AXIN1: variants seen among roughly 807,000 people sequenced by gnomAD.
The protein encoded by AXIN1 is axin 1.
A neutral mutation model predicts 76.4 loss-of-function variants in AXIN1; 30 were observed. The observed-to-expected ratio is 0.39, with a 90% confidence interval of 0.29 to 0.53. AXIN1 has a LOEUF of 0.53. Among genes scored for constraint, AXIN1 ranks in the 20% least tolerant of loss-of-function variants. AXIN1 has a pLI of 0.66. For missense variants in AXIN1, 1,140 were observed against 1,198.8 expected, an observed-to-expected ratio of 0.95 and a Z score of 0.72; for synonymous variants, 545 against 501.4, an observed-to-expected ratio of 1.09 and a Z score of -1.16.
chr16:295,096 CTTTT>C (rs888214026), intron 7 of AXIN1, among the ~76,000 whole-genome samples: 7 of 141,840 alleles, frequency 4.9e-5, no homozygotes, highest in Non-Finnish European at 1.1e-4. Context: ...TTCATGGAGA[CTTTT>C]TTTTTTTCTT....
At chr16:324,514 G>A (rs938285670) in intron 2 of AXIN1, among the ~76,000 whole-genome samples, 3 of 152,186 alleles carry the variant, frequency 2.0e-5, no homozygotes, top group East Asian at 1.9e-4. Context: ...CCAGTGTCCC[G>A]CAGAGTTTGT....
At chr16:309,105 C>G (rs760654244) in intron 4 of AXIN1, among the ~76,000 whole-genome samples, 1 of 151,942 alleles carries the variant, frequency 6.6e-6, no homozygotes, top group Non-Finnish European at 1.5e-5. Flanking sequence ...CTGAAACGGG[C>G]GGATCACGAG....
intron 4 of AXIN1, among the ~76,000 whole-genome samples, chr16:307,392 G>A (rs2053056104): frequency 6.6e-6 from 1 of 152,194 alleles, no homozygotes; most frequent in Non-Finnish European, 1.5e-5. Flanking sequence ...TATCATAAAG[G>A]AAAAAGCCAA....
chr16:292,979 G>A (rs1253986321), intron 8 of AXIN1: 4 of 166,740 alleles, frequency 2.4e-5, no homozygotes, highest in Non-Finnish European at 2.6e-5. Context: ...AGGACACAGC[G>A]AGGAGGGCTG....
At chr16:350,037 G>A (rs977288093) in intron 1 of AXIN1, among the ~76,000 whole-genome samples, 8 of 152,096 alleles carry the variant, frequency 5.3e-5, no homozygotes, top group Admixed American at 2.0e-4. Flanking sequence ...CAATCCACCC[G>A]CCTCGGCCTC....
At chr16:317,553 C>T (rs11864082) in intron 2 of AXIN1, among the ~76,000 whole-genome samples, 404 of 152,334 alleles carry the variant, frequency 2.7e-3, no homozygotes, top group African/African-American at 9.2e-3. Flanking sequence ...GGCCAGGTGA[C>T]GGCAGCCTCA....
intron 7 of AXIN1, among the ~76,000 whole-genome samples, chr16:294,136 G>A (rs542565583): frequency 6.6e-6 from 1 of 152,042 alleles, no homozygotes; most frequent in Non-Finnish European, 1.5e-5. Flanking sequence ...ACTCCAGCCT[G>A]GGTGACAGAG....
At chr16:333,441 A>G (rs1385759664) in intron 2 of AXIN1, among the ~76,000 whole-genome samples, 2 of 151,954 alleles carry the variant, frequency 1.3e-5, no homozygotes, top group Non-Finnish European at 2.9e-5. Context: ...CTCAGAAAAA[A>G]AAAAAAAAGA....
At chr16:288,938 G>A (rs2052471329) in intron 10 of AXIN1, among the ~76,000 whole-genome samples, 1 of 152,356 alleles carries the variant, frequency 6.6e-6, no homozygotes, top group East Asian at 1.9e-4. Context: ...CCCCGAAGAT[G>A]AGGGCCCTGG....
In AXIN1 at chr16:314,661, C is replaced by A. The variant is rs2141594115; in HGVS notation, c.901G>T (p.Val301Phe). Residue 301 changes from valine to phenylalanine, a missense_variant, in exon 3 of 11, where the codon GTC (valine) becomes TTC (phenylalanine). By Grantham distance (50) the Val-to-Phe change is conservative (BLOSUM62 -1). Around this residue, in one of 3 missense-constraint regions of AXIN1, gnomAD observed 708 missense variants for 776.9 expected, o/e 0.91. Coordinates refer to ENST00000262320, the MANE Select transcript of AXIN1 (RefSeq NM_003502.4). The part of the protein sequence containing the change: ...EFRYGSWREP[V>F]NPYYVNAGYA... ...CCGGCATTGACATAATAGGGGTTGA[C>A]TGGCTCCCGCCAGGATCCATACCTG... The A allele has an allele frequency of 6.2e-7, 1 of 1,613,854 alleles. No homozygotes were observed. The highest frequency in any genetic ancestry group is 8.5e-7 in the Non-Finnish European group (1 of 1,180,036).
chr16:320,735 A>ATTTTTT (rs1418979467), intron 2 of AXIN1, among the ~76,000 whole-genome samples: 7 of 76,198 alleles, frequency 9.2e-5, no homozygotes, highest in African/African-American at 2.4e-4. Flanking sequence ...ATATATATAT[A>ATTTTTT]TATATATATT....
intron 1 of AXIN1, among the ~76,000 whole-genome samples, chr16:348,118 G>C (rs572351731): frequency 6.6e-6 from 1 of 152,204 alleles, no homozygotes; most frequent in Non-Finnish European, 1.5e-5. Context: ...GTGCAAAAGA[G>C]AGTAGATAAG....
intron 2 of AXIN1, among the ~76,000 whole-genome samples, chr16:333,994 T>C (rs535930576): frequency 6.1e-5 from 9 of 146,792 alleles, no homozygotes; most frequent in Admixed American, 3.4e-4. Flanking sequence ...CAGCATGCAG[T>C]ACCATGGCAT....
At chr16:346,055 G>T (rs1205827417) in intron 2 of AXIN1, 93 bp downstream of exon 2, 3 of 1,280,318 alleles carry the variant, frequency 2.3e-6, no homozygotes, top group African/African-American at 1.5e-5. Context: ...CATCCGGTGT[G>T]GGTTAACGCC....
chr16:314,409 A>T, intron 3 of AXIN1, 134 bp downstream of exon 3: 1 of 1,389,090 alleles, frequency 7.2e-7, no homozygotes, highest in Non-Finnish European at 9.9e-7. Context: ...GGTGGGACTT[A>T]CACGCTGCCA....
At position 315,671 on chromosome 16, in the gene AXIN1, C is replaced by CA. The variant is rs542297318; in HGVS notation, c.879-989dup. ...TGAAACCCCGTCTCTACTAAAAATA[C>CA]AAAAAATTAGCTGGGCGTGGTGGCG... On this transcript the variant is annotated intron_variant, in intron 2 of 10. Transcript: ENST00000262320. 4.6e-5 allele frequency among the ~76,000 whole-genome samples: 7 copies of CA among 151,970 alleles called. No homozygotes were observed. The East Asian group carries it at 1.2e-3, about 25-fold the overall frequency.
In AXIN1 at chr16:293,577, T is replaced by C. The variant is rs2052627838; in HGVS notation, c.2097A>G (p.Pro699=). 6.2e-7 allele frequency: 1 copy of C among 1,611,946 alleles called. No individual in the cohort carries two copies. The highest frequency in any genetic ancestry group is 8.5e-7 in the Non-Finnish European group (1 of 1,179,690). Residue 699 remains proline (P), a synonymous_variant, in exon 8 of 11, where the codon CCA becomes CCG. Coordinates refer to ENST00000262320, the MANE Select transcript of AXIN1 (RefSeq NM_003502.4). The surrounding 1 kb of genome is among the most constrained non-coding windows in gnomAD (Gnocchi z 4.6). ...FIQDPTMPPH[P]APNPLTQLEE... ...CCAGCTGGGTTAGGGGGTTGGGAGC[T>C]GGGTGGGGTGGCATGGTGGGGTCTT...
At chr16:350,148 C>A (rs80163559) in intron 1 of AXIN1, among the ~76,000 whole-genome samples, 1 of 152,154 alleles carries the variant, frequency 6.6e-6, no homozygotes, top group Non-Finnish European at 1.5e-5. Context: ...AATTTTCTTA[C>A]AATCATGTGT....
rs2052560034 is a variant in AXIN1, at chr16:291,484, C to T, written c.2187-187G>A. On this transcript the variant is annotated intron_variant, in intron 8 of 10. Transcript: ENST00000262320. Reference sequence around the variant, plus strand: ...CCCTCCTAGGCCTGCCTTGGTGGTACCCGATACTGCAGCGCGCCCCACATT... The same window carrying T: ...CCCTCCTAGGCCTGCCTTGGTGGTATCCGATACTGCAGCGCGCCCCACATT... 3 of 641,014 alleles carry T rather than the reference C, an allele frequency of 4.7e-6. No individual in the cohort carries two copies. The South Asian group carries it at 5.1e-5, about 11-fold the overall frequency. The allele number at this position is 641,014 out of a possible 1,614,324, so 39.7% of individuals were successfully genotyped here.
Sources: gnomAD v4.1 joint callset for allele counts (sites outside exome capture counted in the v4.1 genomes callset) on GRCh38, gnomAD v4.1.1 for gene constraint, gnomAD v4.1.1 regional missense constraint, Gnocchi (gnomAD v3.1) non-coding constraint, MANE v1.5 for transcripts, NCBI Gene and HGNC (gene_info 2026-07-23, HGNC 2026-07-21) for gene names.